The following HIVEP3 variants were observed in gnomAD, a reference collection of about 807,000 sequenced individuals.
HIVEP3 encodes the protein transcription factor HIVEP3.
HIVEP3 carries 49 observed loss-of-function variants against 152.8 expected under a neutral mutation model. The observed-to-expected ratio is 0.32, with a 90% confidence interval of 0.26 to 0.41. The LOEUF (loss-of-function observed/expected upper bound fraction) is 0.41, where lower values mean the gene tolerates loss of function less well. Ranked by LOEUF, HIVEP3 falls within the 10% of genes least tolerant of loss-of-function variation. HIVEP3 has a pLI of 1.00. For synonymous variants in HIVEP3, 1,269 were observed against 1,289.0 expected (o/e 0.98, Z 0.33); for missense variants, 2,790 against 3,103.3 (o/e 0.90, Z 2.40).
chr1:42,031,493 T>G (rs1645612685), intron 1 of HIVEP3, among the ~76,000 whole-genome samples: 2 of 152,212 alleles, frequency 1.3e-5, no homozygotes, highest in East Asian at 1.9e-4. Context: ...GCTGAATAAT[T>G]CTTTGTTGTG....
chr1:41,856,445 G>A (rs1407448061), intron 1 of HIVEP3, among the ~76,000 whole-genome samples: 1 of 152,190 alleles, frequency 6.6e-6, no homozygotes, highest in Non-Finnish European at 1.5e-5. Flanking sequence ...CTAAGGGGAA[G>A]AGAAAAGCCT....
chr1:41,845,419 G>GCACACACACA (rs3032007), intron 1 of HIVEP3, among the ~76,000 whole-genome samples: 5 of 136,186 alleles, frequency 3.7e-5, no homozygotes, highest in Middle Eastern at 3.6e-3. Flanking sequence ...ACACACACAC[G>GCACACACACA]CACACACACA....
At chr1:42,015,528 C>T (rs1645517129) in intron 1 of HIVEP3, among the ~76,000 whole-genome samples, 1 of 152,244 alleles carries the variant, frequency 6.6e-6, no homozygotes, top group Non-Finnish European at 1.5e-5. Flanking sequence ...GCCTTTCCTC[C>T]TTCCCTCCAG....
At chr1:41,773,963 T>C (rs1385472535) in intron 1 of HIVEP3, among the ~76,000 whole-genome samples, 1 of 152,272 alleles carries the variant, frequency 6.6e-6, no homozygotes, top group African/African-American at 2.4e-5. Flanking sequence ...CTGGCAAAGA[T>C]TCAGTAGGCC....
chr1:42,029,860 C>CA (rs930265733), intron 1 of HIVEP3, among the ~76,000 whole-genome samples: 18 of 151,156 alleles, frequency 1.2e-4, no homozygotes, highest in Non-Finnish European at 1.8e-4. Flanking sequence ...CTCCAATGAC[C>CA]AAAAAAAAAT....
intron 1 of HIVEP3, among the ~76,000 whole-genome samples, chr1:41,830,322 A>C (rs1170286639): frequency 6.6e-6 from 1 of 152,240 alleles, no homozygotes; most frequent in Non-Finnish European, 1.5e-5. Flanking sequence ...CAATAAATGA[A>C]TATTCAAACA....
chr1:41,714,868 G>GGT (rs146328349), intron 1 of HIVEP3, among the ~76,000 whole-genome samples: 1 of 152,094 alleles, frequency 6.6e-6, no homozygotes, highest in South Asian at 2.1e-4. Flanking sequence ...CAATTTTAAG[G>GGT]GTGTGTGTGT....
Position 41,584,528 on chromosome 1 carries a change from G to T in HIVEP3, c.270C>A (p.Val90=), listed in dbSNP as rs1206663777. The T allele has an allele frequency of 6.2e-7, 1 of 1,614,022 alleles. No homozygotes were observed. The highest frequency in any genetic ancestry group is 8.5e-7 in the Non-Finnish European group (1 of 1,180,050). ...PPKRPPIEAS[V]HISQLPQHPL... ...GGTGCTGCGGAAGCTGTGAGATGTG[G>T]ACGGATGCTTCGATGGGGGGCCTTT... The change falls in exon 4 of 9, where the codon GTC becomes GTA. Residue 90 remains valine (V), a synonymous_variant. Coordinates refer to ENST00000372583, the MANE Select transcript of HIVEP3 (RefSeq NM_024503.5). This position sits in a 1 kb window ranked among gnomAD's most constrained non-coding sequence, Gnocchi z 5.2.
At chr1:41,967,697 A>G (rs758660610) in intron 1 of HIVEP3, among the ~76,000 whole-genome samples, 13 of 152,258 alleles carry the variant, frequency 8.5e-5, no homozygotes, top group Non-Finnish European at 1.6e-4. Flanking sequence ...AACTGAGATC[A>G]GAGCAGAACT....
At chr1:41,631,598 C>G (rs186944146) in intron 2 of HIVEP3, among the ~76,000 whole-genome samples, 6 of 152,242 alleles carry the variant, frequency 3.9e-5, no homozygotes, top group Admixed American at 3.9e-4. Flanking sequence ...CGATGCCCCC[C>G]TGCTGTCCCC....
chr1:42,007,409 C>T lies in HIVEP3; in HGVS notation n.119+28398G>A, dbSNP rs1266064177. Among the ~76,000 whole-genome samples the T allele has an allele frequency of 2.0e-5, 3 of 152,196 alleles. No individual in the cohort carries two copies. In the East Asian group the frequency reaches 5.8e-4, roughly 29 times the overall value. ...TGTGGCTTGTGAATGCAAGAAACAACAATTGAATGGGGGAACACCAGCTTT... is the reference window on the plus strand; with the variant it reads ...TGTGGCTTGTGAATGCAAGAAACAATAATTGAATGGGGGAACACCAGCTTT... On this transcript the variant is annotated intron_variant and non_coding_transcript_variant, in intron 1 of 3. Coordinates refer to the HIVEP3 transcript ENST00000489103.
chr1:42,016,881 T>A (rs1377755746), intron 1 of HIVEP3, among the ~76,000 whole-genome samples: 3 of 152,216 alleles, frequency 2.0e-5, no homozygotes, highest in Non-Finnish European at 2.9e-5. Flanking sequence ...TATCCTGATA[T>A]ATTTATGTAG....
At position 41,584,336 on chromosome 1, in the gene HIVEP3, G is replaced by C; in HGVS notation, c.462C>G (p.Pro154=). The part of the protein sequence containing the change: ...LLPSHASIIP[P]EDLPGVPKVF... ...CTTTGGGGACTCCAGGAAGGTCCTC[G>C]GGGGGAATGATGGAAGCGTGGGAAG... The change falls in exon 4 of 9, where the codon CCC becomes CCG. Residue 154 remains proline (P), a synonymous_variant. Coordinates refer to ENST00000372583, the MANE Select transcript of HIVEP3 (RefSeq NM_024503.5). This position sits in a 1 kb window ranked among gnomAD's most constrained non-coding sequence, Gnocchi z 5.2. 6.2e-7 allele frequency: 1 copy of C among 1,613,754 alleles called. No homozygotes were observed. The highest frequency in any genetic ancestry group is 8.5e-7 in the Non-Finnish European group (1 of 1,179,784).
intron 2 of HIVEP3, among the ~76,000 whole-genome samples, chr1:41,637,864 G>C (rs931833442): frequency 6.6e-6 from 1 of 152,188 alleles, no homozygotes; most frequent in African/African-American, 2.4e-5. Context: ...AGAGCAGAAT[G>C]GGGGGTCAGT....
chr1:41,636,924 A>C (rs1359398618), intron 2 of HIVEP3, among the ~76,000 whole-genome samples: 2 of 141,300 alleles, frequency 1.4e-5, no homozygotes, highest in Non-Finnish European at 3.0e-5. Context: ...GTGCCATTGC[A>C]CTCCAGCCTG....
chr1:41,667,880 C>T (rs1287915074), intron 2 of HIVEP3, among the ~76,000 whole-genome samples: 1 of 152,170 alleles, frequency 6.6e-6, no homozygotes, highest in African/African-American at 2.4e-5. Flanking sequence ...CCCCCAAGCC[C>T]CCCAACTCAA....
Position 41,880,763 on chromosome 1 carries a change from C to T in HIVEP3, c.-801+37650G>A, listed in dbSNP as rs1198971900. On this transcript the variant is annotated intron_variant, in intron 1 of 8. Coordinates refer to ENST00000372583, the MANE Select transcript of HIVEP3 (RefSeq NM_024503.5). ...GACCTCTGTGTGGCCTCCTTGCTCTCCCTGCACTGCCTTCAGATCTCCCAG... is the reference window on the plus strand; with the variant it reads ...GACCTCTGTGTGGCCTCCTTGCTCTTCCTGCACTGCCTTCAGATCTCCCAG... Among the ~76,000 whole-genome samples, 3 of 152,262 alleles carry T rather than the reference C, an allele frequency of 2.0e-5. No homozygotes were observed. The East Asian group carries it at 5.8e-4, about 29-fold the overall frequency.
Position 41,635,476 on chromosome 1 carries a change from C to CTATATATATATA in HIVEP3, c.-720-6541_-720-6530dup, listed in dbSNP as rs371690921. On this transcript the variant is annotated intron_variant, in intron 2 of 8. Transcript: ENST00000372583. ...AGTGAGAAAATGACAGCAACCACAA[C>CTATATATATATA]TATATATATATATACACACACATAT... Among the ~76,000 whole-genome samples the CTATATATATATA allele has an allele frequency of 1.5e-3, 193 of 131,590 alleles. 4 individuals are homozygous for CTATATATATATA. Among genetic ancestry groups the CTATATATATATA allele is most frequent in the South Asian group, 2.0e-3 (8 of 4,058 alleles). The allele number at this position is 131,590 out of a possible 152,430, so 86.3% of individuals were successfully genotyped here.
rs995847501 is a variant in HIVEP3, at chr1:41,506,510, C to T, written c.*3941G>A. ...TCATTCACAGTACAGATGTAATTTA[C>T]AACAAAGGTCACACACATCAATACT... On this transcript the variant is annotated 3_prime_UTR_variant, in exon 9 of 9. Transcript: ENST00000372583. 6.6e-6 allele frequency: 1 copy of T among 152,034 alleles called. No individual in the cohort carries two copies. Among genetic ancestry groups the T allele is most frequent in the Admixed American group, 6.5e-5 (1 of 15,276 alleles). 9.4% of individuals were successfully genotyped at this position (152,034 alleles called of 1,614,324 possible).
Sources: gnomAD v4.1 joint callset for allele counts (sites outside exome capture counted in the v4.1 genomes callset) on GRCh38, gnomAD v4.1.1 for gene constraint, Gnocchi (gnomAD v3.1) non-coding constraint, MANE v1.5 for transcripts, NCBI Gene and HGNC (gene_info 2026-07-23, HGNC 2026-07-21) for gene names.